Variants in CAMK2B observed in about 807,000 individuals in gnomAD.
CAMK2B encodes the protein calcium/calmodulin dependent protein kinase II beta.
Under a neutral mutation model 93.7 loss-of-function variants are expected in CAMK2B, and 27 were observed. The observed-to-expected ratio is 0.29, with a 90% CI of 0.21 to 0.40. The LOEUF is 0.40. CAMK2B is among the 10% of genes least tolerant of loss of function. CAMK2B has a pLI of 1.00. For missense variants in CAMK2B, 568 were observed against 895.8 expected (o/e 0.63, Z 4.67); for synonymous variants, 374 against 358.8 (o/e 1.04, Z -0.48).
intron 17 of CAMK2B, among the ~76,000 whole-genome samples, chr7:44,230,612 C>T (rs1287031183): frequency 2.6e-5 from 4 of 152,198 alleles, no homozygotes; most frequent in Admixed American, 6.5e-5. Context: ...CCCAGCTGCC[C>T]GGCCACTTGG....
chr7:44,289,389 A>C (rs1320905663), intron 1 of CAMK2B, among the ~76,000 whole-genome samples: 1 of 152,010 alleles, frequency 6.6e-6, no homozygotes, highest in African/African-American at 2.4e-5. Context: ...CCTTGCCCCC[A>C]GCAGGACCAC....
chr7:44,288,451 G>C (rs890288623), intron 1 of CAMK2B, among the ~76,000 whole-genome samples: 2 of 152,184 alleles, frequency 1.3e-5, no homozygotes, highest in African/African-American at 4.8e-5. Flanking sequence ...GTGCTCCTAC[G>C]GGATCCCAGG....
chr7:44,304,318 G>A (rs1790868664), intron 1 of CAMK2B, among the ~76,000 whole-genome samples: 1 of 152,172 alleles, frequency 6.6e-6, no homozygotes, highest in Non-Finnish European at 1.5e-5. Flanking sequence ...CTTTATTCAT[G>A]ACTGTGAAAA....
At chr7:44,260,762 G>A (rs1288786770) in intron 3 of CAMK2B, among the ~76,000 whole-genome samples, 2 of 152,078 alleles carry the variant, frequency 1.3e-5, no homozygotes, top group Non-Finnish European at 2.9e-5. Context: ...AAGAGTCCTG[G>A]GGTTTTTTCA....
intron 16 of CAMK2B, among the ~76,000 whole-genome samples, chr7:44,232,275 T>C (rs1222838136): frequency 6.6e-6 from 1 of 151,906 alleles, no homozygotes; most frequent in Non-Finnish European, 1.5e-5. Context: ...GTGGCGCTGT[T>C]TTGGAAGTCC....
At chr7:44,321,308 G>T (rs759563599) in intron 1 of CAMK2B, among the ~76,000 whole-genome samples, 17 of 152,306 alleles carry the variant, frequency 1.1e-4, no homozygotes, top group East Asian at 5.8e-4. Context: ...CCCCGCGAGC[G>T]GTCAGGCCAC....
rs972983607 is a variant in CAMK2B at position 44,229,404 on chromosome 7, G to T, written c.1323C>A (p.Ser441Arg). 2 of 1,521,442 alleles carry T rather than the reference G, an allele frequency of 1.3e-6. No individual in the cohort carries two copies. The highest frequency in any genetic ancestry group is 2.8e-5 in the African/African-American group (2 of 71,212). 94.2% of individuals were successfully genotyped at this position (1,521,442 alleles called of 1,614,324 possible). The change falls in exon 18 of 24, where the codon AGC (serine) becomes AGA (arginine). Residue 441 changes from serine (S) to arginine (R), a missense_variant. By Grantham distance (110) the Ser-to-Arg change is moderately radical. Coordinates refer to ENST00000395749, the MANE Select transcript of CAMK2B (RefSeq NM_001220.5). The part of the protein sequence containing the change: ...PLPCPSPAPF[S>R]PLPAPSPRIS... ...GCTACTTACATGGGGCTGGCAGGGG[G>T]CTAAAGGGAGCCGGAGATGGGCAGG...
At chr7:44,242,706 A>G in intron 8 of CAMK2B, 52 bp from the exon 9 acceptor site, 1 of 1,274,020 alleles carries the variant, frequency 7.8e-7, no homozygotes, top group Non-Finnish European at 1.1e-6. Flanking sequence ...GCCACCGTCC[A>G]TGAAGCCCAT....
chr7:44,239,963 G>A (rs1422381259), intron 12 of CAMK2B, among the ~76,000 whole-genome samples: 1 of 152,214 alleles, frequency 6.6e-6, no homozygotes, highest in Non-Finnish European at 1.5e-5. Flanking sequence ...GTGTGACCGT[G>A]TGCACGCGTT....
intron 1 of CAMK2B, among the ~76,000 whole-genome samples, chr7:44,299,221 G>A (rs937710194): frequency 2.6e-5 from 4 of 152,192 alleles, no homozygotes; most frequent in Admixed American, 1.3e-4. Context: ...GAAAAGGAAG[G>A]AAATCATGTC....
chr7:44,244,759 A>G, intron 6 of CAMK2B: 1 of 320,894 alleles, frequency 3.1e-6, no homozygotes, highest in Non-Finnish European at 6.3e-6. Context: ...CCGAGCTGTG[A>G]GCGCCCCTCA....
chr7:44,220,131 G>A lies in CAMK2B; in HGVS notation c.1932C>T (p.His644=). The change falls in exon 23 of 24, where the codon CAC becomes CAT. Residue 644 remains histidine, a synonymous_variant. Coordinates refer to ENST00000395749, the MANE Select transcript of CAMK2B (RefSeq NM_001220.5). ...TSQSEETRVW[H]RRDGKWQNVH... ...CGTTCTGCCACTTGCCGTCGCGGCG[G>A]TGCCACACGCGGGTCTCCTCAGACT... The A allele has an allele frequency of 6.2e-7, 1 of 1,612,242 alleles. No individual in the cohort carries two copies. Among genetic ancestry groups the A allele is most frequent in the South Asian group, 1.1e-5 (1 of 91,040 alleles).
At chr7:44,274,069 C>T (rs937949606) in intron 2 of CAMK2B, among the ~76,000 whole-genome samples, 19 of 152,212 alleles carry the variant, frequency 1.2e-4, no homozygotes, top group African/African-American at 4.6e-4. Flanking sequence ...AGCATCTGCA[C>T]ACATCCGCCC....
chr7:44,279,787 G>A (rs1357411723), intron 2 of CAMK2B, among the ~76,000 whole-genome samples: 2 of 149,276 alleles, frequency 1.3e-5, no homozygotes, highest in Non-Finnish European at 2.9e-5. Context: ...ATATAAATAG[G>A]GGTTGTGAGG....
At chr7:44,236,118 C>T (rs562914359) in intron 13 of CAMK2B, among the ~76,000 whole-genome samples, 243 of 152,274 alleles carry the variant, frequency 1.6e-3, no homozygotes, top group Middle Eastern at 0.01. Flanking sequence ...GTGGTTCTGA[C>T]GCTGGGTGCT....
Position 44,229,410 on chromosome 7 carries a change from G to A in CAMK2B, c.1317C>T (p.Pro439=). ...TACATGGGGCTGGCAGGGGGCTAAA[G>A]GGAGCCGGAGATGGGCAGGGCAGGG... ...EGPLPCPSPA[P]FSPLPAPSPR... The change falls in exon 18 of 24, where the codon CCC becomes CCT. Residue 439 remains proline (P), a synonymous_variant. Coordinates refer to ENST00000395749, the MANE Select transcript of CAMK2B (RefSeq NM_001220.5). The A allele has an allele frequency of 5.9e-6, 9 of 1,521,518 alleles. No homozygotes were observed. Among genetic ancestry groups the A allele is most frequent in the Non-Finnish European group, 7.9e-6 (9 of 1,135,018 alleles). 94.3% of individuals were successfully genotyped at this position (1,521,518 alleles called of 1,614,324 possible).
At position 44,241,812 on chromosome 7, in the gene CAMK2B, GC is replaced by G. The variant is rs773220973; in HGVS notation, c.820-30del. ...TGGGGAAATGGGTGGTCATATGGCAGCCGAGCCCGAGGCACAGGGGAGAGGC... is the reference window on the plus strand; with the variant it reads ...TGGGGAAATGGGTGGTCATATGGCAGCGAGCCCGAGGCACAGGGGAGAGGC... On this transcript the variant is annotated intron_variant, in intron 10 of 23. Transcript: ENST00000395749. 2.5e-6 allele frequency: 4 copies of G among 1,584,916 alleles called. No individual in the cohort carries two copies. In the Admixed American group the frequency reaches 5.0e-5, roughly 20 times the overall value.
intron 20 of CAMK2B, among the ~76,000 whole-genome samples, chr7:44,222,606 T>G (rs1197550503): frequency 6.6e-6 from 1 of 152,052 alleles, no homozygotes; most frequent in Non-Finnish European, 1.5e-5. Flanking sequence ...CAGCTAATTT[T>G]TGTGTGTGTA....
rs530253232 is a variant in CAMK2B at position 44,236,904 on chromosome 7, A to G, written c.1022-2228T>C. Among the ~76,000 whole-genome samples, 12 of 152,356 alleles carry G rather than the reference A, an allele frequency of 7.9e-5. No individual in the cohort carries two copies. The South Asian group carries it at 2.5e-3, about 32-fold the overall frequency. ...TAGGAGCCTGAGGAAGGAAGCATCC[A>G]GCCTCGCCTTGAGGACATTTGTCGT... On this transcript the variant is annotated intron_variant, in intron 13 of 23. Transcript: ENST00000395749.
Sources: allele counts gnomAD v4.1 joint callset (sites outside exome capture counted in the v4.1 genomes callset), GRCh38; gene constraint gnomAD v4.1.1; transcripts MANE v1.5; gene names NCBI Gene and HGNC (gene_info 2026-07-23, HGNC 2026-07-21).